The following DNM3 variants were observed in gnomAD, a reference collection of about 807,000 sequenced individuals.
DNM3 encodes the protein dynamin-3.
DNM3 carries 47 observed loss-of-function variants against 101.6 expected under a neutral mutation model. The ratio of observed to expected loss-of-function variants is 0.46; its 90% CI spans 0.37 to 0.59. The LOEUF is 0.59. Among genes scored for constraint, DNM3 ranks in the 20% least tolerant of loss-of-function variants. The probability of loss-of-function intolerance (pLI) is 0.00; values close to 1 mark genes in which losing one functional copy is unlikely to be tolerated. For missense variants in DNM3, 849 were observed against 1,085.7 expected (o/e 0.78, Z 3.06); for synonymous variants, 385 against 387.9 (o/e 0.99, Z 0.09).
chr1:172,056,671 T>A (rs1252680474), intron 10 of DNM3, among the ~76,000 whole-genome samples: 1 of 150,566 alleles, frequency 6.6e-6, no homozygotes. Context: ...AGAAAGGACA[T>A]CCACACCAAA....
chr1:172,298,106 C>G (rs948923830), intron 15 of DNM3, among the ~76,000 whole-genome samples: 13 of 152,126 alleles, frequency 8.5e-5, no homozygotes, highest in Non-Finnish European at 1.3e-4. Flanking sequence ...ATTTAAAAAT[C>G]TGACTTTTTA....
At chr1:172,235,431 C>T (rs1197404101) in intron 14 of DNM3, among the ~76,000 whole-genome samples, 3 of 152,186 alleles carry the variant, frequency 2.0e-5, no homozygotes, top group African/African-American at 7.2e-5. Context: ...TTGTGGAAGT[C>T]AGTGTGGCGA....
intron 2 of DNM3, among the ~76,000 whole-genome samples, chr1:171,980,351 G>T (rs1319181086): frequency 6.6e-6 from 1 of 152,018 alleles, no homozygotes; most frequent in East Asian, 1.9e-4. Context: ...CATATTTATG[G>T]AGTACAGTAT....
chr1:171,903,190 G>A (rs1031349557), intron 1 of DNM3, among the ~76,000 whole-genome samples: 3 of 151,434 alleles, frequency 2.0e-5, no homozygotes, highest in East Asian at 1.9e-4. Flanking sequence ...AAAAATAAAG[G>A]GTTTAATTAG....
At chr1:171,936,270 G>T (rs972143311) in intron 2 of DNM3, among the ~76,000 whole-genome samples, 1 of 151,882 alleles carries the variant, frequency 6.6e-6, no homozygotes, top group Admixed American at 6.6e-5. Flanking sequence ...ACTTGAACCC[G>T]GGAGGCAGAG....
intron 2 of DNM3, among the ~76,000 whole-genome samples, chr1:171,967,123 A>G (rs980746698): frequency 6.6e-6 from 1 of 152,092 alleles, no homozygotes; most frequent in Non-Finnish European, 1.5e-5. Flanking sequence ...GACAAAAGGG[A>G]ATCTATTTTG....
At chr1:171,926,163 G>A (rs772397279) in intron 2 of DNM3, among the ~76,000 whole-genome samples, 23 of 152,084 alleles carry the variant, frequency 1.5e-4, no homozygotes, top group Non-Finnish European at 2.2e-4. Context: ...CTCTGGCTTT[G>A]TTCTTTTTGC....
At position 172,412,538 on chromosome 1, in the gene DNM3, A is replaced by ATACTT. The variant is rs147951438; in HGVS notation, c.*4699_*4703dup. ...TGATTCTTTAATTAATATGAGCCGG[A>ATACTT]TACTTTCCACTGTCTTCTTGGCACT... is the stretch of plus-strand genomic sequence containing the variant. On this transcript the variant is annotated 3_prime_UTR_variant, in exon 21 of 21. Coordinates refer to ENST00000627582, the MANE Select transcript of DNM3 (RefSeq NM_015569.5). 215 of 985,728 alleles carry ATACTT rather than the reference A, an allele frequency of 2.2e-4. 1 individual carries two copies. In the African/African-American group the frequency reaches 3.6e-3, roughly 17 times the overall value. The allele number at this position is 985,728 out of a possible 1,614,324, so 61.1% of individuals were successfully genotyped here.
chr1:172,095,640 G>A (rs2054197249), intron 13 of DNM3, among the ~76,000 whole-genome samples: 1 of 152,090 alleles, frequency 6.6e-6, no homozygotes. Context: ...TCTGGTTGGT[G>A]GGGCTGAAAC....
intron 1 of DNM3, among the ~76,000 whole-genome samples, chr1:171,901,057 G>A (rs1398320206): frequency 7.0e-6 from 1 of 142,434 alleles, no homozygotes; most frequent in African/African-American, 2.6e-5. Flanking sequence ...AGCTTGCAGT[G>A]AGCCGAGAGC....
rs1192553841 is a variant in DNM3 at position 171,841,556 on chromosome 1, G to A, written c.-101G>A. ...CGTCTGCGCCAGGACCTGGCTGGCT[G>A]AGCCCGGCGCAGCAGCAGCAGCCAG... is the stretch of plus-strand genomic sequence containing the variant. On this transcript the variant is annotated 5_prime_UTR_variant, in exon 1 of 21. Coordinates refer to ENST00000627582, the MANE Select transcript of DNM3 (RefSeq NM_015569.5). 2.0e-6 allele frequency: 3 copies of A among 1,466,318 alleles called. No homozygotes were observed. Among genetic ancestry groups the A allele is most frequent in the East Asian group, 5.3e-5 (2 of 37,828 alleles). The allele number at this position is 1,466,318 out of a possible 1,614,324, so 90.8% of individuals were successfully genotyped here.
intron 12 of DNM3, among the ~76,000 whole-genome samples, chr1:172,084,878 A>T (rs1238383840): frequency 6.6e-6 from 1 of 152,108 alleles, no homozygotes; most frequent in African/African-American, 2.4e-5. Context: ...TTCAACTTGG[A>T]TGACTTTTTG....
intron 4 of DNM3, among the ~76,000 whole-genome samples, chr1:172,025,325 C>G (rs1000510967): frequency 1.3e-5 from 2 of 152,238 alleles, no homozygotes; most frequent in Non-Finnish European, 2.9e-5. Context: ...GATAAAACTC[C>G]TATCTTCCTA....
intron 14 of DNM3, among the ~76,000 whole-genome samples, chr1:172,171,193 G>A (rs749994074): frequency 1.8e-4 from 27 of 151,822 alleles, no homozygotes; most frequent in African/African-American, 6.0e-4. Context: ...AGGGTTTGTA[G>A]CTGGTATGAA....
At chr1:172,278,514 C>T (rs777768314) in intron 15 of DNM3, among the ~76,000 whole-genome samples, 29 of 152,122 alleles carry the variant, frequency 1.9e-4, no homozygotes, top group Non-Finnish European at 3.2e-4. Flanking sequence ...CTCATGCAGC[C>T]GTGGGCCACA....
chr1:172,350,494 C>T (rs547213985), intron 17 of DNM3, among the ~76,000 whole-genome samples: 2 of 152,016 alleles, frequency 1.3e-5, no homozygotes, highest in Non-Finnish European at 2.9e-5. Context: ...ACTTAACTGT[C>T]GTGGTATCAC....
rs78334894 is a variant in DNM3, at chr1:172,174,419, A to G, written c.1659+43131A>G. On this transcript the variant is annotated intron_variant, in intron 14 of 20. Transcript: ENST00000627582. ...TTTGAAATAAATTTGTCCATAAATG[A>G]TGGAGGAAGATTTCAGACCAAAAAA... is the stretch of plus-strand genomic sequence containing the variant. Among the ~76,000 whole-genome samples, 442 of 151,752 alleles carry G rather than the reference A, an allele frequency of 2.9e-3. 23 individuals carry two copies. In the East Asian group the frequency reaches 0.08, roughly 27 times the overall value.
intron 13 of DNM3, among the ~76,000 whole-genome samples, chr1:172,108,390 G>A (rs1388062071): frequency 6.6e-6 from 1 of 152,098 alleles, no homozygotes; most frequent in African/African-American, 2.4e-5. Context: ...GCATGGTACA[G>A]CAAGATTGTG....
chr1:172,195,353 AT>A (rs1221682513), intron 14 of DNM3, among the ~76,000 whole-genome samples: 4 of 151,916 alleles, frequency 2.6e-5, no homozygotes, highest in Admixed American at 1.3e-4. Context: ...TACATACACA[AT>A]TATGGCACCT....
Sources: allele counts gnomAD v4.1 joint callset (sites outside exome capture counted in the v4.1 genomes callset), GRCh38; gene constraint gnomAD v4.1.1; transcripts MANE v1.5; gene names NCBI Gene and HGNC (gene_info 2026-07-23, HGNC 2026-07-21).